KLHL5: variants seen among roughly 807,000 people sequenced by gnomAD.
KLHL5 encodes the protein kelch-like protein 5.
In KLHL5, 48 loss-of-function variants were observed where a neutral mutation model predicts 77.7. That is an observed-to-expected ratio of 0.62 (90% CI 0.49 to 0.79). The LOEUF (loss-of-function observed/expected upper bound fraction) is 0.79, where lower values mean the gene tolerates loss of function less well. Among genes scored for constraint, KLHL5 ranks in the 30% least tolerant of loss-of-function variants. The pLI is 0.00. For synonymous variants in KLHL5, 260 were observed against 297.0 expected (o/e 0.88, Z 1.28); for missense variants, 723 against 859.7 (o/e 0.84, Z 1.99).
At chr4:39,138,019 A>G in the KLHL5 span, among the ~76,000 whole-genome samples, 1 of 152,212 alleles carries the variant, frequency 6.6e-6, no homozygotes, top group African/African-American at 2.4e-5. Flanking sequence ...ATGAGATACC[A>G]TCTCACACCA....
At position 39,047,168 on chromosome 4, in the gene KLHL5, A is replaced by G. The variant is rs1716254639; in HGVS notation, c.-95+2072A>G. 2.0e-5 allele frequency among the ~76,000 whole-genome samples: 3 copies of G among 152,252 alleles called. No individual in the cohort carries two copies. In the South Asian group the frequency reaches 6.2e-4, roughly 31 times the overall value. On this transcript the variant is annotated intron_variant, in intron 1 of 11. Coordinates refer to the KLHL5 transcript ENST00000261425. ...CACGGTGGCTCACGCCTGTAATTCCAGCACTTTGGGAGGCCAAGGTAGGTG... is the reference window on the plus strand; with the variant it reads ...CACGGTGGCTCACGCCTGTAATTCCGGCACTTTGGGAGGCCAAGGTAGGTG...
Position 39,081,895 on chromosome 4 carries a change from C to A in KLHL5, c.704-68C>A. On this transcript the variant is annotated intron_variant, in intron 3 of 10. Coordinates refer to ENST00000504108, the MANE Select transcript of KLHL5 (RefSeq NM_015990.5). The surrounding 1 kb of genome is among the most constrained non-coding windows in gnomAD (Gnocchi z 4.3). ...TCTTATATGGAACCACTACTGTTAA[C>A]ATCAATTATTTTATAAAATAAGGTT... The A allele has an allele frequency of 8.6e-7, 1 of 1,162,876 alleles. No homozygotes were observed. The highest frequency in any genetic ancestry group is 1.2e-6 in the Non-Finnish European group (1 of 834,400). The allele number at this position is 1,162,876 out of a possible 1,614,324, so 72.0% of individuals were successfully genotyped here.
chr4:39,132,186 G>GGAAAT, the KLHL5 span, among the ~76,000 whole-genome samples: 6 of 145,088 alleles, frequency 4.1e-5, no homozygotes, highest in South Asian at 6.2e-4. Flanking sequence ...AAAAAGGAAA[G>GGAAAT]GAAATGCATT....
chr4:39,053,115 A>G (rs1194390441), intron 1 of KLHL5, among the ~76,000 whole-genome samples: 3 of 152,134 alleles, frequency 2.0e-5, no homozygotes, highest in Non-Finnish European at 4.4e-5. Flanking sequence ...GTAGTGATTA[A>G]CCATTTCTAA....
intron 1 of KLHL5, among the ~76,000 whole-genome samples, chr4:39,056,044 G>A (rs1716982145): frequency 6.6e-6 from 1 of 152,128 alleles, no homozygotes; most frequent in Admixed American, 6.5e-5. Flanking sequence ...ATATATCAAA[G>A]TCCTTGACTG....
chr4:39,073,816 T>A (rs868254836), intron 1 of KLHL5, among the ~76,000 whole-genome samples: 20 of 121,228 alleles, frequency 1.6e-4, no homozygotes, highest in African/African-American at 2.3e-4. Context: ...AGCTAATTTT[T>A]TTTTTATTTT....
chr4:39,051,341 G>A (rs2109247410), intron 1 of KLHL5, among the ~76,000 whole-genome samples: 1 of 149,032 alleles, frequency 6.7e-6, no homozygotes, highest in South Asian at 2.1e-4. Context: ...ATGGGGAGAT[G>A]GTATATGTTA....
chr4:39,048,638 C>CTTTTTTTTTTTTTTTTTTTTTTTTTTTT (rs34713116), intron 1 of KLHL5, among the ~76,000 whole-genome samples: 5 of 79,134 alleles, frequency 6.3e-5, no homozygotes, highest in Admixed American at 3.4e-4. Flanking sequence ...TTTACATTGG[C>CTTTTTTTTTTTTTTTTTTTTTTTTTTTT]TTTTTTTTTT....
chr4:39,129,091 C>T (rs1723694271), downstream of KLHL5, among the ~76,000 whole-genome samples: 1 of 151,754 alleles, frequency 6.6e-6, no homozygotes, highest in South Asian at 2.1e-4. This position sits in a 1 kb window ranked among gnomAD's most constrained non-coding sequence, Gnocchi z 4.2. Context: ...GCCATACGGA[C>T]TGCTTCCAGC....
upstream of KLHL5, among the ~76,000 whole-genome samples, chr4:39,061,801 C>T (rs1329145814): frequency 6.6e-6 from 1 of 152,140 alleles, no homozygotes; most frequent in African/African-American, 2.4e-5. Context: ...GAAATCCTGG[C>T]CTCAGTTTAT....
At chr4:39,118,767 A>AT (rs750425512) in intron 10 of KLHL5, among the ~76,000 whole-genome samples, 10 of 152,058 alleles carry the variant, frequency 6.6e-5, no homozygotes, top group Non-Finnish European at 1.0e-4. Flanking sequence ...AAAAAAAAAA[A>AT]GCAGACTGGT....
intron 6 of KLHL5, among the ~76,000 whole-genome samples, chr4:39,101,146 A>ATATATATATATATC (rs1238965685): frequency 1.4e-5 from 2 of 145,310 alleles, no homozygotes; most frequent in African/African-American, 5.3e-5. Flanking sequence ...ATATATATAT[A>ATATATATATATATC]TCTACCTGAG....
At chr4:39,085,483 C>T (rs936653988) in intron 4 of KLHL5, among the ~76,000 whole-genome samples, 7 of 152,130 alleles carry the variant, frequency 4.6e-5, no homozygotes, top group Middle Eastern at 3.4e-3. Context: ...GCTGAGACAG[C>T]GATAATACAT....
intron 6 of KLHL5, among the ~76,000 whole-genome samples, chr4:39,099,301 T>C (rs566817597): frequency 6.6e-6 from 1 of 152,000 alleles, no homozygotes; most frequent in South Asian, 2.1e-4. Context: ...AAAATAATAA[T>C]AGCTAAAAAT....
upstream of KLHL5, among the ~76,000 whole-genome samples, chr4:39,059,740 A>T (rs1475813992): frequency 6.6e-6 from 1 of 152,052 alleles, no homozygotes; most frequent in Admixed American, 6.6e-5. Context: ...TCTAGTAAAA[A>T]CATAAAAAAT....
chr4:39,119,327 C>T (rs889171695), intron 10 of KLHL5, among the ~76,000 whole-genome samples: 5 of 152,174 alleles, frequency 3.3e-5, no homozygotes, highest in Non-Finnish European at 2.9e-5. Flanking sequence ...TGGCTCACCC[C>T]TGTAATCCCG....
the KLHL5 span, among the ~76,000 whole-genome samples, chr4:39,140,542 A>C: frequency 6.6e-6 from 1 of 152,212 alleles, no homozygotes; most frequent in African/African-American, 2.4e-5. Context: ...TGATTGGTTC[A>C]AATTTTGGTT....
intron 5 of KLHL5, among the ~76,000 whole-genome samples, chr4:39,087,735 G>A (rs1275006450): frequency 1.3e-5 from 2 of 152,152 alleles, no homozygotes; most frequent in African/African-American, 4.8e-5. Flanking sequence ...TCAAGGCCTT[G>A]AATGCTGAAA....
chr4:39,106,640 T>C (rs1722058684), intron 7 of KLHL5, among the ~76,000 whole-genome samples: 1 of 152,232 alleles, frequency 6.6e-6, no homozygotes, highest in Admixed American at 6.5e-5. Context: ...ATAAAAATAC[T>C]TTTCCAAATA....
Sources: allele counts gnomAD v4.1 joint callset (sites outside exome capture counted in the v4.1 genomes callset), GRCh38; gene constraint gnomAD v4.1.1; non-coding constraint Gnocchi (gnomAD v3.1); transcripts MANE v1.5; gene names NCBI Gene and HGNC (gene_info 2026-07-23, HGNC 2026-07-21).